The following METTL24 variants were observed in gnomAD, a reference collection of about 807,000 sequenced individuals.
METTL24 encodes the protein methyltransferase like 24.
In METTL24, 29 loss-of-function variants were observed where a neutral mutation model predicts 32.7. That is an observed-to-expected ratio of 0.89 (90% confidence interval 0.66 to 1.21). The LOEUF is 1.21. Ranked by LOEUF, METTL24 falls within the 50% of genes most tolerant of loss-of-function variation. The pLI is 0.00. For missense variants in METTL24, 439 were observed against 468.1 expected (o/e 0.94, Z 0.57); for synonymous variants, 163 against 179.5 (o/e 0.91, Z 0.73).
At chr6:110,295,013 CTTTTTTTTTTTT>C (rs1195740747) in intron 4 of METTL24, among the ~76,000 whole-genome samples, 1 of 78,144 alleles carries the variant, frequency 1.3e-5, no homozygotes, top group Admixed American at 1.4e-4. Context: ...TTCTTTCTTT[CTTTTTTTTTTTT>C]TTTTTTTTTT....
intron 4 of METTL24, among the ~76,000 whole-genome samples, chr6:110,298,386 A>T (rs1369876186): frequency 1.3e-5 from 2 of 152,356 alleles, no homozygotes; most frequent in South Asian, 4.1e-4. Context: ...CTTTGGTATA[A>T]TTATATAATT....
chr6:110,332,908 C>T (rs757781617), intron 1 of METTL24, among the ~76,000 whole-genome samples: 14 of 140,262 alleles, frequency 1.0e-4, no homozygotes, highest in South Asian at 2.2e-4. Flanking sequence ...CAACATTTAT[C>T]GAAAAAAAAA....
At chr6:110,263,391 T>A (rs1770787888) in intron 4 of METTL24, among the ~76,000 whole-genome samples, 2 of 152,040 alleles carry the variant, frequency 1.3e-5, no homozygotes, top group South Asian at 4.1e-4. Context: ...GAGAATAGAA[T>A]ACCTAGGAAT....
intron 4 of METTL24, among the ~76,000 whole-genome samples, chr6:110,294,997 C>CTTTTTT (rs1771384418): frequency 1.0e-5 from 1 of 96,730 alleles, no homozygotes; most frequent in African/African-American, 4.0e-5. Flanking sequence ...AATTGCTTTT[C>CTTTTTT]TTTTTTTCTT....
At chr6:110,344,905 G>A (rs569762899) in intron 1 of METTL24, among the ~76,000 whole-genome samples, 24 of 152,286 alleles carry the variant, frequency 1.6e-4, no homozygotes, top group African/African-American at 5.3e-4. Flanking sequence ...AAAAGCAAAC[G>A]CAACAAAAGC....
intron 1 of METTL24, among the ~76,000 whole-genome samples, chr6:110,327,945 C>T (rs892173053): frequency 1.3e-5 from 2 of 152,164 alleles, no homozygotes; most frequent in Non-Finnish European, 2.9e-5. Flanking sequence ...GAGGTGGGAA[C>T]GTGGATTCCC....
intron 4 of METTL24, among the ~76,000 whole-genome samples, chr6:110,277,656 G>T (rs182543923): frequency 9.2e-5 from 14 of 152,200 alleles, no homozygotes; most frequent in African/African-American, 3.1e-4. Context: ...GAAATCTAAA[G>T]TTCCTTTAAT....
intron 4 of METTL24, among the ~76,000 whole-genome samples, chr6:110,262,293 C>T (rs1217825532): frequency 3.9e-5 from 6 of 152,102 alleles, no homozygotes; most frequent in Middle Eastern, 3.4e-3. Flanking sequence ...ATATCACCAC[C>T]GATCCCACAG....
chr6:110,358,021 C>T lies in METTL24; in HGVS notation c.252G>A (p.Pro84=). Residue 84 remains proline, a synonymous_variant, in exon 1 of 5, where the codon CCG becomes CCA. Coordinates refer to ENST00000338882, the MANE Select transcript of METTL24 (RefSeq NM_001123364.3). ...TYVRSGRRAP[P]GGGGSGTPEP... is the part of the protein sequence containing the mutation. Reference sequence around the variant, plus strand: ...CCGGCGTCCCGCTCCCGCCGCCCCCCGGCGGCGCCCGGCGACCGCTGCGCA... The same window carrying T: ...CCGGCGTCCCGCTCCCGCCGCCCCCTGGCGGCGCCCGGCGACCGCTGCGCA... 1 of 1,134,406 alleles carries T rather than the reference C, an allele frequency of 8.8e-7. No individual in the cohort carries two copies. The highest frequency in any genetic ancestry group is 4.3e-5 in the East Asian group (1 of 23,386). 70.3% of individuals were successfully genotyped at this position (1,134,406 alleles called of 1,614,324 possible).
At chr6:110,323,947 C>CA (rs1421871622) in intron 1 of METTL24, among the ~76,000 whole-genome samples, 2 of 152,122 alleles carry the variant, frequency 1.3e-5, no homozygotes, top group Non-Finnish European at 2.9e-5. Flanking sequence ...ACAGTGTTCT[C>CA]CAGTCAGGTA....
At chr6:110,344,278 C>T (rs1311638814) in intron 1 of METTL24, among the ~76,000 whole-genome samples, 4 of 152,138 alleles carry the variant, frequency 2.6e-5, no homozygotes, top group Non-Finnish European at 5.9e-5. Context: ...GGACTGTTCT[C>T]ATGCTGCAGA....
intron 4 of METTL24, among the ~76,000 whole-genome samples, chr6:110,250,470 T>C (rs189449982): frequency 1.3e-5 from 2 of 152,024 alleles, no homozygotes; most frequent in Non-Finnish European, 2.9e-5. Context: ...AGAACCACAC[T>C]ATTTCCAAAT....
chr6:110,352,763 A>G (rs1772633124), intron 1 of METTL24, among the ~76,000 whole-genome samples: 1 of 152,198 alleles, frequency 6.6e-6, no homozygotes, highest in South Asian at 2.1e-4. Flanking sequence ...CGAACCACAG[A>G]ACAAAGCATG....
chr6:110,324,740 C>T (rs964249634), intron 1 of METTL24, among the ~76,000 whole-genome samples: 1 of 152,212 alleles, frequency 6.6e-6, no homozygotes, highest in Non-Finnish European at 1.5e-5. Flanking sequence ...TTAAGTCATA[C>T]ATCTTTCCAG....
rs887477147 is a variant in METTL24, at chr6:110,333,678, A to G, written c.319-10806T>C. Among the ~76,000 whole-genome samples, 17 of 152,164 alleles carry G rather than the reference A, an allele frequency of 1.1e-4. No individual in the cohort carries two copies. In the South Asian group the frequency reaches 2.1e-3, roughly 19 times the overall value. On this transcript the variant is annotated intron_variant, in intron 1 of 4. Transcript: ENST00000338882. ...GCTGGTCTCAAGCTCGTGACCTCAA[A>G]TGACCTGCCCACCTCGGCCTCCCAA...
At chr6:110,251,615 T>C (rs140634052) in intron 4 of METTL24, among the ~76,000 whole-genome samples, 75 of 152,288 alleles carry the variant, frequency 4.9e-4, no homozygotes, top group African/African-American at 1.8e-3. Flanking sequence ...AAAATGTATA[T>C]CATACAGTTC....
intron 1 of METTL24, among the ~76,000 whole-genome samples, chr6:110,336,322 A>C (rs561580671): frequency 4.6e-5 from 7 of 152,344 alleles, no homozygotes; most frequent in African/African-American, 1.7e-4. Context: ...GCATAGCAAG[A>C]AATAAAAGTT....
chr6:110,254,041 G>A (rs950725184), intron 4 of METTL24: 6 of 1,042,578 alleles, frequency 5.8e-6, no homozygotes, highest in Non-Finnish European at 6.3e-6. Flanking sequence ...TTTGCATTTG[G>A]GAAAAGAGCT....
chr6:110,252,316 C>T (rs1030899957), intron 4 of METTL24, among the ~76,000 whole-genome samples: 1 of 152,170 alleles, frequency 6.6e-6, no homozygotes, highest in Admixed American at 6.5e-5. Flanking sequence ...TTTGGTTTCT[C>T]CTAAGTCCTC....
Sources: gnomAD v4.1 joint callset for allele counts (sites outside exome capture counted in the v4.1 genomes callset) on GRCh38, gnomAD v4.1.1 for gene constraint, MANE v1.5 for transcripts, NCBI Gene and HGNC (gene_info 2026-07-23, HGNC 2026-07-21) for gene names.